Variants in RNF128 observed in about 807,000 individuals in gnomAD.
RNF128 encodes the protein E3 ubiquitin-protein ligase RNF128.
Under a neutral mutation model 26.2 loss-of-function variants are expected in RNF128, and 13 were observed. The ratio of observed to expected loss-of-function variants is 0.50; its 90% CI spans 0.32 to 0.79. RNF128 has a LOEUF of 0.79. RNF128 is among the 30% of genes least tolerant of loss of function. The pLI, the probability that RNF128 is intolerant of heterozygous loss-of-function variation, is 0.03. For synonymous variants in RNF128, 149 were observed against 142.5 expected (o/e 1.05, Z -0.32); for missense variants, 315 against 349.7 (o/e 0.90, Z 0.79).
chrX:106,713,122 C>T (rs1237864211), intron 1 of RNF128, among the ~76,000 whole-genome samples: 1 of 107,972 alleles, frequency 9.3e-6, no homozygotes, highest in African/African-American at 3.4e-5. Flanking sequence ...CTCAAGTCGT[C>T]CCCCACCCCC....
intron 1 of RNF128, among the ~76,000 whole-genome samples, chrX:106,704,162 G>A (rs1420848040): frequency 1.8e-5 from 2 of 110,424 alleles, no homozygotes; most frequent in Non-Finnish European, 3.8e-5. Flanking sequence ...TAGGCCGGGC[G>A]CGGTGGCTCA....
At chrX:106,732,537 C>T (rs1360490429) in intron 1 of RNF128, among the ~76,000 whole-genome samples, 1 of 111,382 alleles carries the variant, frequency 9.0e-6, no homozygotes, top group Non-Finnish European at 1.9e-5. Context: ...ATTCATCGAG[C>T]ATTTATCAAA....
At chrX:106,704,338 T>C (rs369054354) in intron 1 of RNF128, among the ~76,000 whole-genome samples, 87 of 102,638 alleles carry the variant, frequency 8.5e-4, no homozygotes, top group African/African-American at 2.5e-3. Context: ...GAGGCTGAGG[T>C]AGGAGAATGG....
Position 106,791,198 on chromosome X carries a change from G to A in RNF128, c.1117G>A (p.Asp373Asn). ...SSGYASVQGT[D>N]EPPLEEHVQS... ...TGGATATGCTTCAGTACAGGGAACA[G>A]ATGAACCGCCTCTGGAGGAACACGT... Residue 373 changes from aspartate (D) to asparagine (N), a missense_variant, in exon 6 of 7, where the codon GAT becomes AAT. Transcript: ENST00000255499. 1 of 1,209,384 alleles carries A rather than the reference G, an allele frequency of 8.3e-7. No homozygotes were observed. The highest frequency in any genetic ancestry group is 1.1e-6 in the Non-Finnish European group (1 of 894,123).
At chrX:106,732,814 A>AT (rs1488251407) in intron 1 of RNF128, among the ~76,000 whole-genome samples, 1 of 111,728 alleles carries the variant, frequency 9.0e-6, no homozygotes, top group Non-Finnish European at 1.9e-5. Flanking sequence ...GGGGTGTTTT[A>AT]TTTTTTTGAT....
chrX:106,732,463 A>G (rs772182605), intron 1 of RNF128, among the ~76,000 whole-genome samples: 24 of 111,969 alleles, frequency 2.1e-4, no homozygotes, highest in Non-Finnish European at 3.0e-4. Flanking sequence ...TTAAACACTC[A>G]AGAACTCTAA....
chrX:106,735,910 A>AAC (rs1168743556), intron 1 of RNF128, among the ~76,000 whole-genome samples: 6 of 109,584 alleles, frequency 5.5e-5, no homozygotes, highest in African/African-American at 1.7e-4. Context: ...CCCTCCCCCC[A>AAC]ACACACACAC....
intron 1 of RNF128, among the ~76,000 whole-genome samples, chrX:106,753,008 ACAGT>A (rs1929926537): frequency 8.9e-6 from 1 of 111,764 alleles, no homozygotes; most frequent in African/African-American, 3.2e-5. Flanking sequence ...TTGAAAATAC[ACAGT>A]CAGAGGAGAC....
At chrX:106,789,109 T>C (rs1232429980) in intron 4 of RNF128, among the ~76,000 whole-genome samples, 2 of 86,171 alleles carry the variant, frequency 2.3e-5, no homozygotes, top group Admixed American at 1.5e-4. Context: ...ATATACTATA[T>C]ACTATATATA....
At chrX:106,755,867 G>A (rs1049923049) in intron 1 of RNF128, among the ~76,000 whole-genome samples, 2 of 110,514 alleles carry the variant, frequency 1.8e-5, no homozygotes, top group Non-Finnish European at 3.8e-5. Context: ...TCCTTAAGCT[G>A]ATAAGCAACT....
At chrX:106,717,060 T>C (rs1929229093) in intron 1 of RNF128, among the ~76,000 whole-genome samples, 1 of 110,086 alleles carries the variant, frequency 9.1e-6, no homozygotes, top group African/African-American at 3.3e-5. Flanking sequence ...AAAATTAGCC[T>C]GGCGTGGTGG....
At chrX:106,716,196 A>C (rs2147663422) in intron 1 of RNF128, among the ~76,000 whole-genome samples, 1 of 112,022 alleles carries the variant, frequency 8.9e-6, no homozygotes, top group Admixed American at 9.5e-5. Flanking sequence ...TCCTTGAGTC[A>C]GAGGCAAACA....
chrX:106,763,985 T>C (rs1220844177), intron 1 of RNF128, among the ~76,000 whole-genome samples: 1 of 108,149 alleles, frequency 9.2e-6, no homozygotes, highest in African/African-American at 3.4e-5. Flanking sequence ...TTTTTTGAGA[T>C]GGAGTCTCGC....
intron 1 of RNF128, among the ~76,000 whole-genome samples, chrX:106,750,355 A>G (rs1395746344): frequency 4.5e-5 from 5 of 112,156 alleles, no homozygotes; most frequent in Non-Finnish European, 9.4e-5. Flanking sequence ...TAGAATGGTG[A>G]AGAGCAGAGA....
At chrX:106,732,939 T>C (rs1389751797) in intron 1 of RNF128, among the ~76,000 whole-genome samples, 1 of 110,740 alleles carries the variant, frequency 9.0e-6, no homozygotes, top group Non-Finnish European at 1.9e-5. Flanking sequence ...AAAAGGAAAA[T>C]AGAGTCAGCC....
At chrX:106,740,438 A>T (rs1929683909) in intron 1 of RNF128, among the ~76,000 whole-genome samples, 1 of 112,138 alleles carries the variant, frequency 8.9e-6, no homozygotes. Context: ...GTCATGTCCC[A>T]GTTTCATTGT....
intron 1 of RNF128, among the ~76,000 whole-genome samples, chrX:106,764,731 A>C (rs1930185828): frequency 8.9e-6 from 1 of 112,457 alleles, no homozygotes; most frequent in East Asian, 2.8e-4. Context: ...TCTGTGATTC[A>C]AAAGAAATAT....
At chrX:106,755,408 A>G (rs1432245146) in intron 1 of RNF128, among the ~76,000 whole-genome samples, 2 of 111,047 alleles carry the variant, frequency 1.8e-5, no homozygotes, top group East Asian at 2.9e-4. Context: ...GACTCATTCT[A>G]TGAGGCCAGT....
At chrX:106,703,944 A>T (rs1402659480) in intron 1 of RNF128, among the ~76,000 whole-genome samples, 1 of 110,409 alleles carries the variant, frequency 9.1e-6, no homozygotes, top group East Asian at 2.9e-4. Flanking sequence ...CTGAAGTTAA[A>T]CCACACTGAG....
Sources: gnomAD v4.1 joint callset for allele counts (sites outside exome capture counted in the v4.1 genomes callset) on GRCh38, gnomAD v4.1.1 for gene constraint, MANE v1.5 for transcripts, NCBI Gene and HGNC (gene_info 2026-07-23, HGNC 2026-07-21) for gene names.